TBCD: variants seen among roughly 807,000 people sequenced by gnomAD.
TBCD encodes the protein tubulin folding cofactor D.
In TBCD, 105 loss-of-function variants were observed where a neutral mutation model predicts 169.3. The observed-to-expected ratio is 0.62, with a 90% CI of 0.53 to 0.73. The LOEUF is 0.73. Ranked by LOEUF, TBCD falls within the 30% of genes least tolerant of loss-of-function variation. TBCD has a pLI of 0.00. For missense variants in TBCD, 1,444 were observed against 1,600.1 expected (o/e 0.90, Z 1.66); for synonymous variants, 700 against 643.9 (o/e 1.09, Z -1.32).
intron 17 of TBCD, among the ~76,000 whole-genome samples, chr17:82,899,356 C>T (rs1027820386): frequency 4.0e-5 from 6 of 148,788 alleles, no homozygotes; most frequent in Admixed American, 1.3e-4. Context: ...AGTGCGTGTC[C>T]GCAGTGCGTC....
intron 13 of TBCD, among the ~76,000 whole-genome samples, chr17:82,851,735 G>A (rs764836178): frequency 3.3e-5 from 5 of 152,234 alleles, no homozygotes; most frequent in African/African-American, 1.2e-4. Flanking sequence ...CAATAAACGC[G>A]TGGCCGACGG....
At chr17:82,814,202 G>A (rs2051678439) in intron 12 of TBCD, among the ~76,000 whole-genome samples, 1 of 152,184 alleles carries the variant, frequency 6.6e-6, no homozygotes, top group African/African-American at 2.4e-5. Flanking sequence ...ACTAAACAGT[G>A]GGGTGTCATT....
chr17:82,837,070 C>T (rs948363390), intron 13 of TBCD, among the ~76,000 whole-genome samples: 3 of 152,196 alleles, frequency 2.0e-5, no homozygotes, highest in African/African-American at 7.2e-5. Flanking sequence ...ACAGGGAGCA[C>T]AGCTGCTTCA....
intron 5 of TBCD, 106 bp downstream of exon 5, chr17:82,768,672 G>A: frequency 7.9e-7 from 1 of 1,266,958 alleles, no homozygotes; most frequent in Non-Finnish European, 1.1e-6. Context: ...GTATTCAACT[G>A]CTGTTTTTTT....
intron 13 of TBCD, among the ~76,000 whole-genome samples, chr17:82,852,734 G>A (rs2055900309): frequency 1.3e-5 from 2 of 152,210 alleles, no homozygotes; most frequent in African/African-American, 2.4e-5. Context: ...TTCAGCCCAC[G>A]ACGTACATGG....
chr17:82,912,878 T>C (rs1201749881), intron 23 of TBCD: 1 of 152,286 alleles, frequency 6.6e-6, no homozygotes. Flanking sequence ...CTCATGAGTC[T>C]GATGGACGTC....
intron 1 of TBCD, among the ~76,000 whole-genome samples, chr17:82,753,195 G>A (rs148908999): frequency 1.3e-5 from 2 of 152,134 alleles, no homozygotes; most frequent in Non-Finnish European, 2.9e-5. Flanking sequence ...GAATGACAGC[G>A]CTTTGATTTT....
rs1381194627 is a variant in TBCD at position 82,900,844 on chromosome 17, A to G, written c.1730+113A>G. 1.9e-5 allele frequency: 15 copies of G among 786,542 alleles called. No individual in the cohort carries two copies. The South Asian group carries it at 2.3e-4, about 12-fold the overall frequency. 48.7% of individuals were successfully genotyped at this position (786,542 alleles called of 1,614,324 possible). ...CTCACTGTGGATGTCGTATTTTAAA[A>G]TAACTTCTGAGAAGTAATATGAATT... is the stretch of plus-strand genomic sequence containing the variant. On this transcript the variant is annotated intron_variant, in intron 18 of 38. Coordinates refer to ENST00000355528, the MANE Select transcript of TBCD (RefSeq NM_005993.5).
intron 7 of TBCD, among the ~76,000 whole-genome samples, chr17:82,791,791 C>T (rs972723807): frequency 2.0e-5 from 3 of 152,288 alleles, no homozygotes; most frequent in Admixed American, 1.3e-4. Flanking sequence ...AGAACTGCGT[C>T]GTTGGGCAGT....
In TBCD at chr17:82,889,055, C is replaced by T. The variant is rs2058949142; in HGVS notation, c.1534-613C>T. ...CATGGGAAGGGAGGTGTGGTTGTCA[C>T]CTTGCCCAGGTAACCTGCTCTGCCT... is the stretch of plus-strand genomic sequence containing the variant. On this transcript the variant is annotated intron_variant, in intron 15 of 38. Coordinates refer to ENST00000355528, the MANE Select transcript of TBCD (RefSeq NM_005993.5). The surrounding 1 kb of genome is among the most constrained non-coding windows in gnomAD (Gnocchi z 5.3). 6.6e-6 allele frequency among the ~76,000 whole-genome samples: 1 copy of T among 152,202 alleles called. No individual in the cohort carries two copies.
At chr17:82,840,821 A>G (rs1039457054) in intron 13 of TBCD, among the ~76,000 whole-genome samples, 1 of 152,058 alleles carries the variant, frequency 6.6e-6, no homozygotes, top group Non-Finnish European at 1.5e-5. Context: ...GAAGGCTGGC[A>G]TGTGGTGTCG....
chr17:82,771,024 G>C (rs2048282625), intron 5 of TBCD, among the ~76,000 whole-genome samples: 1 of 144,684 alleles, frequency 6.9e-6, no homozygotes, highest in Admixed American at 6.9e-5. Flanking sequence ...CTCTAGCCTG[G>C]GCAGCAGAGC....
Position 82,806,066 on chromosome 17 carries a change from C to T in TBCD, c.1087+55C>T, listed in dbSNP as rs1259152701. On this transcript the variant is annotated intron_variant, in intron 10 of 38. Transcript: ENST00000355528. This position sits in a 1 kb window ranked among gnomAD's most constrained non-coding sequence, Gnocchi z 5.1. Reference sequence around the variant, plus strand: ...TCTTGGGCACCGTCGGGCCAATTCCCCTCTACTCCAGGACCACACTTCCTT... The same window carrying T: ...TCTTGGGCACCGTCGGGCCAATTCCTCTCTACTCCAGGACCACACTTCCTT... 1 of 1,591,416 alleles carries T rather than the reference C, an allele frequency of 6.3e-7. No homozygotes were observed.
At chr17:82,886,872 G>A (rs1456590391) in intron 15 of TBCD, among the ~76,000 whole-genome samples, 3 of 151,272 alleles carry the variant, frequency 2.0e-5, no homozygotes, top group Non-Finnish European at 2.9e-5. Context: ...GTTTCACCAT[G>A]TTGGCCAGGA....
chr17:82,758,384 G>GAAAAAAAAAAAAAAAAAAAAAAAAAAA (rs71168146), intron 2 of TBCD, among the ~76,000 whole-genome samples: 3 of 24,990 alleles, frequency 1.2e-4, no homozygotes, highest in South Asian at 2.0e-3. Flanking sequence ...AAACGTCTCG[G>GAAAAAAAAAAAAAAAAAAAAAAAAAAA]AAAAAAAAAA....
At chr17:82,929,832 A>T (rs1357077151) in intron 32 of TBCD, 1 of 475,676 alleles carries the variant, frequency 2.1e-6, no homozygotes, top group Non-Finnish European at 3.9e-6. Context: ...GGGCTCCATC[A>T]GGTTCTAGAT....
chr17:82,872,612 A>AAGTT (rs2057659485), intron 14 of TBCD, among the ~76,000 whole-genome samples: 2 of 152,354 alleles, frequency 1.3e-5, no homozygotes, highest in South Asian at 4.1e-4. Flanking sequence ...CACTTCTAGG[A>AAGTT]AGTTGATCCT....
rs999906430 is a variant in TBCD at position 82,789,404 on chromosome 17, G to A, written c.771+7683G>A. 5.3e-5 allele frequency among the ~76,000 whole-genome samples: 8 copies of A among 152,240 alleles called. No individual in the cohort carries two copies. The highest frequency in any genetic ancestry group is 9.6e-5 in the African/African-American group (4 of 41,452). ...CGTGTGCTCACAGGCAGCCCGTCGC[G>A]GGGTCATGTGCTAGACGGGGAGGGG... On this transcript the variant is annotated intron_variant, in intron 7 of 38. Transcript: ENST00000355528. This position sits in a 1 kb window ranked among gnomAD's most constrained non-coding sequence, Gnocchi z 4.8.
chr17:82,848,137 TG>T (rs1296141312), intron 13 of TBCD, among the ~76,000 whole-genome samples: 2 of 152,178 alleles, frequency 1.3e-5, no homozygotes, highest in Non-Finnish European at 2.9e-5. Context: ...GTGTGGCCTG[TG>T]GGTAGCCTTT....
Sources: gnomAD v4.1 joint callset for allele counts (sites outside exome capture counted in the v4.1 genomes callset) on GRCh38, gnomAD v4.1.1 for gene constraint, Gnocchi (gnomAD v3.1) non-coding constraint, MANE v1.5 for transcripts, NCBI Gene and HGNC (gene_info 2026-07-23, HGNC 2026-07-21) for gene names.